YME1L1: variants seen among roughly 807,000 people sequenced by gnomAD.
YME1L1 encodes the protein ATP-dependent zinc metalloprotease YME1L1.
In YME1L1, 39 loss-of-function variants were observed where a neutral mutation model predicts 90.4. That is an observed-to-expected ratio of 0.43 (90% CI 0.33 to 0.56). The LOEUF (loss-of-function observed/expected upper bound fraction) is 0.56. Among genes scored for constraint, YME1L1 ranks in the 20% least tolerant of loss-of-function variants. The pLI, the probability that YME1L1 is intolerant of heterozygous loss-of-function variation, is 0.03. For missense variants in YME1L1, 617 were observed against 868.4 expected (o/e 0.71, Z 3.64); for synonymous variants, 284 against 287.3 (o/e 0.99, Z 0.12).
chr10:27,147,771 T>G (rs1316065157), intron 2 of YME1L1: 22 of 1,481,648 alleles, frequency 1.5e-5, no homozygotes, highest in Admixed American at 8.4e-5. Context: ...CTGTCAATTG[T>G]GCAGTTTCAC....
At chr10:27,121,945 A>C (rs1202699888) in intron 11 of YME1L1, among the ~76,000 whole-genome samples, 1 of 152,256 alleles carries the variant, frequency 6.6e-6, no homozygotes, top group South Asian at 2.1e-4. Context: ...CATGTTGGCC[A>C]GGTTGGTCTT....
chr10:27,128,642 T>A (rs1213355219), intron 8 of YME1L1, among the ~76,000 whole-genome samples: 10 of 151,754 alleles, frequency 6.6e-5, no homozygotes. Flanking sequence ...TGGTGGCTGA[T>A]GCCTATAATC....
chr10:27,124,933 C>A (rs1238952845), intron 9 of YME1L1, among the ~76,000 whole-genome samples: 1 of 152,110 alleles, frequency 6.6e-6, no homozygotes, highest in Non-Finnish European at 1.5e-5. Context: ...TCAGGAAGTA[C>A]ATGATGTTGA....
At chr10:27,148,795 A>T in intron 2 of YME1L1, 111 bp downstream of exon 2, 1 of 1,401,696 alleles carries the variant, frequency 7.1e-7, no homozygotes, top group Middle Eastern at 1.8e-4. Flanking sequence ...GTCAAAAATT[A>T]TACTCAAATT....
chr10:27,122,766 G>T, intron 11 of YME1L1, 75 bp downstream of exon 11: 1 of 1,561,536 alleles, frequency 6.4e-7, no homozygotes. Context: ...GAAATAATTT[G>T]CATAAGATCA....
intron 4 of YME1L1, among the ~76,000 whole-genome samples, chr10:27,140,628 G>A (rs549825259): frequency 4.6e-5 from 7 of 152,126 alleles, no homozygotes; most frequent in South Asian, 2.1e-4. Flanking sequence ...ACAGGCACAC[G>A]CCACCATGCC....
At chr10:27,149,246 AG>A (rs2057181279) in intron 1 of YME1L1, among the ~76,000 whole-genome samples, 1 of 152,226 alleles carries the variant, frequency 6.6e-6, no homozygotes. Flanking sequence ...GTAAATCAAA[AG>A]TATCAAAAAT....
intron 11 of YME1L1, among the ~76,000 whole-genome samples, chr10:27,122,435 A>G (rs1053253026): frequency 2.0e-5 from 3 of 152,218 alleles, no homozygotes; most frequent in African/African-American, 7.2e-5. Context: ...TGCTTCTTAT[A>G]TTATGAACAT....
At position 27,122,944 on chromosome 10, in the gene YME1L1, T is replaced by C. The variant is rs956287813; in HGVS notation, c.1132A>G (p.Ile378Val). The change falls in exon 11 of 19, where the codon ATA (isoleucine) becomes GTA (valine). Residue 378 changes from isoleucine to valine, a missense_variant. This residue lies in a region of YME1L1 where 93 missense variants were observed against 184.8 expected (regional missense o/e 0.50). Transcript: ENST00000376016. ...REAKANAPCVIFIDELDSVGG... is the reference protein window; with the variant it reads ...REAKANAPCVVFIDELDSVGG... Reference sequence around the variant, plus strand: ...ACAGAATCTAATTCATCAATAAATATAACACAAGGAGCATTCGCCTTTGCT... The same window carrying C: ...ACAGAATCTAATTCATCAATAAATACAACACAAGGAGCATTCGCCTTTGCT... 1 of 1,613,192 alleles carries C rather than the reference T, an allele frequency of 6.2e-7. No individual in the cohort carries two copies. Among genetic ancestry groups the C allele is most frequent in the Non-Finnish European group, 8.5e-7 (1 of 1,179,684 alleles).
In YME1L1 at chr10:27,119,536, C is replaced by T. The variant is rs562580962; in HGVS notation, c.1412-87G>A. ...AAAGAACTCACATTCCAACTGGGTG[C>T]GTTGGCTCATGCCTGTAATCCCAGC... On this transcript the variant is annotated intron_variant, in intron 13 of 18. Transcript: ENST00000376016. 21 of 1,420,498 alleles carry T rather than the reference C, an allele frequency of 1.5e-5. 1 individual carries two copies. In the South Asian group the frequency reaches 2.1e-4, roughly 14 times the overall value. The allele number at this position is 1,420,498 out of a possible 1,614,324, so 88.0% of individuals were successfully genotyped here. A position where few individuals can be genotyped will look rare whatever the true frequency, so the allele number is the denominator to read the frequency against.
chr10:27,144,670 G>A (rs1262157391), intron 3 of YME1L1, among the ~76,000 whole-genome samples: 2 of 151,986 alleles, frequency 1.3e-5, no homozygotes, highest in Non-Finnish European at 2.9e-5. Context: ...TATGTTTCCT[G>A]GAATTAAATG....
rs762250433 is a variant in YME1L1, at chr10:27,119,373, A to G, written c.1488T>C (p.Ala496=). 3 of 1,613,786 alleles carry G rather than the reference A, an allele frequency of 1.9e-6. No homozygotes were observed. In the South Asian group the frequency reaches 3.3e-5, roughly 18 times the overall value. Residue 496 remains alanine, a synonymous_variant, in exon 14 of 19, where the codon GCT becomes GCC. Transcript: ENST00000376016. Reference sequence around the variant, plus strand: ...TTCCATCAACAGCTGCTTTTAATGCAGCCTGGTTCACAAGATTCTCCAACT... The same window carrying G: ...TTCCATCAACAGCTGCTTTTAATGCGGCCTGGTTCACAAGATTCTCCAACT... ...GAELENLVNQ[A]ALKAAVDGKE...
chr10:27,131,901 A>T lies in YME1L1; in HGVS notation c.816T>A (p.Asp272Glu), dbSNP rs2056980875. 1.2e-6 allele frequency: 2 copies of T among 1,613,294 alleles called. No individual in the cohort carries two copies. Among genetic ancestry groups the T allele is most frequent in the South Asian group, 1.1e-5 (1 of 90,878 alleles). ...AGGTGACATTTTTCATCTGGACAGGATCTACTGCAGAATCAAGCCCTGTTG... is the reference window on the plus strand; with the variant it reads ...AGGTGACATTTTTCATCTGGACAGGTTCTACTGCAGAATCAAGCCCTGTTG... ...RTTTGLDSAV[D>E]PVQMKNVTFE... Residue 272 changes from aspartate (D) to glutamate (E), a missense_variant, in exon 8 of 19, where the codon GAT (aspartate) becomes GAA (glutamate). By Grantham distance (45) the Asp-to-Glu change is conservative. Coordinates refer to ENST00000376016, the MANE Select transcript of YME1L1 (RefSeq NM_014263.4).
At chr10:27,138,284 C>T (rs2057050132) in intron 4 of YME1L1, among the ~76,000 whole-genome samples, 1 of 151,974 alleles carries the variant, frequency 6.6e-6, no homozygotes, top group East Asian at 1.9e-4. Flanking sequence ...GATAAAATCC[C>T]CTTCATTAGT....
intron 1 of YME1L1, among the ~76,000 whole-genome samples, chr10:27,149,979 G>C (rs576667253): frequency 6.6e-6 from 1 of 151,954 alleles, no homozygotes; most frequent in Non-Finnish European, 1.5e-5. Flanking sequence ...GGGAGGCAGA[G>C]GCAGGAGAAT....
chr10:27,134,988 A>G lies in YME1L1; in HGVS notation c.541-7T>C. On this transcript the variant is annotated splice_polypyrimidine_tract_variant and splice_region_variant and intron_variant, in intron 5 of 18. Coordinates refer to ENST00000376016, the MANE Select transcript of YME1L1 (RefSeq NM_014263.4). ...TGTCCCGCAAAAGAAACCCCTGAATACACAAACAACACATCAGTACTGGTT... is the reference window on the plus strand; with the variant it reads ...TGTCCCGCAAAAGAAACCCCTGAATGCACAAACAACACATCAGTACTGGTT... 6.2e-7 allele frequency: 1 copy of G among 1,611,642 alleles called. No homozygotes were observed. Among genetic ancestry groups the G allele is most frequent in the Non-Finnish European group, 8.5e-7 (1 of 1,179,668 alleles).
intron 4 of YME1L1, among the ~76,000 whole-genome samples, chr10:27,137,392 ATT>A (rs2057040426): frequency 6.6e-6 from 1 of 152,158 alleles, no homozygotes; most frequent in Non-Finnish European, 1.5e-5. Context: ...CCTGAACATT[ATT>A]TGTTTTCTGG....
At chr10:27,139,209 A>T (rs1190849470) in intron 4 of YME1L1, among the ~76,000 whole-genome samples, 4 of 151,958 alleles carry the variant, frequency 2.6e-5, no homozygotes, top group African/African-American at 9.7e-5. Flanking sequence ...ACATATATAT[A>T]TTTTTTAGAT....
intron 8 of YME1L1, chr10:27,129,314 T>A (rs1483479666): frequency 6.6e-6 from 1 of 152,120 alleles, no homozygotes; most frequent in African/African-American, 2.4e-5. Flanking sequence ...TCTTCCTCAA[T>A]TGTTCCCTTT....
Sources: gnomAD v4.1 joint callset for allele counts (sites outside exome capture counted in the v4.1 genomes callset) on GRCh38, gnomAD v4.1.1 for gene constraint, gnomAD v4.1.1 regional missense constraint, MANE v1.5 for transcripts, NCBI Gene and HGNC (gene_info 2026-07-23, HGNC 2026-07-21) for gene names.